Variants in PCLO observed in about 807,000 individuals in gnomAD.
The protein encoded by PCLO is protein piccolo.
In PCLO, 82 loss-of-function variants were observed where a neutral mutation model predicts 427.5. The observed-to-expected ratio is 0.19, with a 90% CI of 0.16 to 0.23. The LOEUF is 0.23. Ranked by LOEUF, PCLO falls within the 10% of genes least tolerant of loss-of-function variation. The pLI, the probability that PCLO is intolerant of heterozygous loss-of-function variation, is 1.00. For synonymous variants in PCLO, 2,357 were observed against 2,155.4 expected (o/e 1.09, Z -2.59); for missense variants, 6,239 against 6,115.9 (o/e 1.02, Z -0.67).
rs1792480331 is a variant in PCLO at position 83,162,718 on chromosome 7, A to C, written c.-126T>G. On this transcript the variant is annotated 5_prime_UTR_variant, in exon 1 of 25. Transcript: ENST00000333891. ...GGCGTGCAGGCAGCCGAGTCCCTGG[A>C]CTCTGGACCAGGCACTGCCGCCCGG... 1 of 1,266,992 alleles carries C rather than the reference A, an allele frequency of 7.9e-7. No homozygotes were observed. 78.5% of individuals were successfully genotyped at this position (1,266,992 alleles called of 1,614,324 possible).
Position 82,780,571 on chromosome 7 carries a change from G to C in PCLO, c.15008-19078C>G, listed in dbSNP as rs1052832559. On this transcript the variant is annotated intron_variant, in intron 22 of 24. Coordinates refer to ENST00000333891, the MANE Select transcript of PCLO (RefSeq NM_033026.6). The stretch of plus-strand genomic sequence containing the variant: ...TTTGTTTGTTTGTTTTGTTTTGAAA[G>C]GAGTCTCGCTCTGTCGCCCAGGCTG... Among the ~76,000 whole-genome samples the C allele has an allele frequency of 2.0e-5, 3 of 152,266 alleles. No homozygotes were observed. The South Asian group carries it at 6.2e-4, about 32-fold the overall frequency.
chr7:82,841,800 G>A (rs1031983678), intron 13 of PCLO, among the ~76,000 whole-genome samples: 9 of 151,986 alleles, frequency 5.9e-5, no homozygotes, highest in African/African-American at 1.9e-4. Flanking sequence ...TAGGTTTAAA[G>A]CACTTAATTA....
chr7:82,812,822 T>G (rs950566707), intron 20 of PCLO, among the ~76,000 whole-genome samples: 2 of 151,716 alleles, frequency 1.3e-5, no homozygotes, highest in Admixed American at 1.3e-4. Context: ...TTTTATTCTC[T>G]TTTGAAGCAG....
chr7:82,852,063 A>G (rs936058568), intron 10 of PCLO, among the ~76,000 whole-genome samples: 1 of 152,104 alleles, frequency 6.6e-6, no homozygotes, highest in African/African-American at 2.4e-5. Context: ...GAAAGGAAGG[A>G]GTAAAAAGAA....
chr7:82,999,058 T>G, intron 3 of PCLO, among the ~76,000 whole-genome samples: 1 of 150,098 alleles, frequency 6.7e-6, no homozygotes, highest in Non-Finnish European at 1.5e-5. Flanking sequence ...TTTGATAGGC[T>G]TATTAGTATA....
chr7:82,866,780 G>T, intron 10 of PCLO, among the ~76,000 whole-genome samples: 1 of 151,772 alleles, frequency 6.6e-6, no homozygotes, highest in East Asian at 1.9e-4. Context: ...ACTTATCATT[G>T]TATCTGGAAT....
chr7:82,970,388 A>G (rs1488690190), intron 3 of PCLO, among the ~76,000 whole-genome samples: 1 of 151,998 alleles, frequency 6.6e-6, no homozygotes, highest in East Asian at 1.9e-4. Flanking sequence ...TTACCTACCT[A>G]TGTTGGTAAA....
chr7:82,976,021 A>T (rs1796009169), intron 3 of PCLO, among the ~76,000 whole-genome samples: 1 of 152,200 alleles, frequency 6.6e-6, no homozygotes, highest in Non-Finnish European at 1.5e-5. Flanking sequence ...TAGCAGTGTG[A>T]AACTGTCTAA....
Position 82,824,154 on chromosome 7 carries a change from A to G in PCLO, c.14596+82T>C, listed in dbSNP as rs1464740547. On this transcript the variant is annotated intron_variant, in intron 19 of 24. Transcript: ENST00000333891. ...GTGTCTAATCTATTAATATAGGTTAAATGTACAAACATTCACACTAAGAAG... is the reference window on the plus strand; with the variant it reads ...GTGTCTAATCTATTAATATAGGTTAGATGTACAAACATTCACACTAAGAAG... 7.7e-6 allele frequency: 7 copies of G among 907,580 alleles called. No individual in the cohort carries two copies. In the Admixed American group the frequency reaches 8.1e-5, roughly 11 times the overall value. The allele number at this position is 907,580 out of a possible 1,614,324, so 56.2% of individuals were successfully genotyped here.
chr7:83,076,426 C>A (rs926384316), intron 3 of PCLO, among the ~76,000 whole-genome samples: 1 of 151,870 alleles, frequency 6.6e-6, no homozygotes, highest in Non-Finnish European at 1.5e-5. Flanking sequence ...CCACACCCAG[C>A]TAATTTTTGT....
intron 22 of PCLO, among the ~76,000 whole-genome samples, chr7:82,799,370 G>T (rs1374348467): frequency 6.6e-6 from 1 of 152,170 alleles, no homozygotes; most frequent in Non-Finnish European, 1.5e-5. Flanking sequence ...CAGCCTTATG[G>T]AGGAGACAAA....
chr7:83,064,776 T>A (rs1472599355), intron 3 of PCLO, among the ~76,000 whole-genome samples: 1 of 151,990 alleles, frequency 6.6e-6, no homozygotes, highest in Non-Finnish European at 1.5e-5. Context: ...CATGAGTTCA[T>A]CTGTCTTTCT....
At chr7:83,038,541 T>C (rs1788890169) in intron 3 of PCLO, among the ~76,000 whole-genome samples, 1 of 151,968 alleles carries the variant, frequency 6.6e-6, no homozygotes, top group African/African-American at 2.4e-5. Flanking sequence ...GATTCACCTA[T>C]GCTTTTGCTT....
rs1789168744 is a variant in PCLO, at chr7:83,048,970, C to A, written c.3301-82483G>T. On this transcript the variant is annotated intron_variant, in intron 3 of 24. Transcript: ENST00000333891. The stretch of plus-strand genomic sequence containing the variant: ...ACAATTGGGAAAGTTAAGTAACCTA[C>A]ACATAGAAGTTATTAGAACAGATTG... Among the ~76,000 whole-genome samples the A allele has an allele frequency of 2.0e-5, 3 of 152,132 alleles. No individual in the cohort carries two copies. The South Asian group carries it at 6.2e-4, about 31-fold the overall frequency.
rs1244481260 is a variant in PCLO, at chr7:83,155,599, T to C, written c.1042A>G (p.Thr348Ala). 6.2e-7 allele frequency: 1 copy of C among 1,611,778 alleles called. No individual in the cohort carries two copies. The change falls in exon 2 of 25, where the codon ACA becomes GCA. Residue 348 changes from threonine (T) to alanine (A), a missense_variant. Coordinates refer to ENST00000333891, the MANE Select transcript of PCLO (RefSeq NM_033026.6). ...LTKPLAQQPG[T>A]VKPPVQPPGT... ...GGTGGCTGGACTGGGGGTTTCACTG[T>C]CCCTGGTTGTTGAGCCAATGGCTTT...
At chr7:82,976,770 AGATGACTGGTATGTTAATTAGCCT>A (rs1182744287) in intron 3 of PCLO, among the ~76,000 whole-genome samples, 2 of 152,244 alleles carry the variant, frequency 1.3e-5, no homozygotes, top group African/African-American at 4.8e-5. Context: ...GTGACATGTC[AGATGACTGGTATGTTAATTAGCCT>A]GATTTGATCA....
intron 3 of PCLO, among the ~76,000 whole-genome samples, chr7:83,093,923 C>G (rs1331512249): frequency 6.7e-6 from 1 of 149,408 alleles, no homozygotes; most frequent in Non-Finnish European, 1.5e-5. Flanking sequence ...TCCCATGTAT[C>G]TCTTACCCAT....
At chr7:82,790,500 A>G (rs925193871) in intron 22 of PCLO, among the ~76,000 whole-genome samples, 5 of 152,300 alleles carry the variant, frequency 3.3e-5, no homozygotes, top group Non-Finnish European at 4.4e-5. Context: ...CTATGAATAC[A>G]TATTACTTTT....
Position 82,950,119 on chromosome 7 carries a change from C to T in PCLO, c.10469G>A (p.Arg3490Lys), listed in dbSNP as rs1795300628. 1 of 1,610,272 alleles carries T rather than the reference C, an allele frequency of 6.2e-7. No homozygotes were observed. The highest frequency in any genetic ancestry group is 1.4e-5 in the African/African-American group (1 of 73,498). The change falls in exon 6 of 25, where the codon AGG (arginine) becomes AAG (lysine). Residue 3490 changes from arginine (R) to lysine (K), a missense_variant. Around this residue, in one of 5 missense-constraint regions of PCLO, gnomAD observed 4,677 missense variants for 4,468.4 expected, o/e 1.05. Transcript: ENST00000333891. ...DEWDMPTRSR[R>K]KARVGKYGDS... ...ACCATATTTCCCTACACGAGCTTTCCTCCTTGATCTAGTAGGCATATCCCA... is the reference window on the plus strand; with the variant it reads ...ACCATATTTCCCTACACGAGCTTTCTTCCTTGATCTAGTAGGCATATCCCA...
Sources: allele counts gnomAD v4.1 joint callset (sites outside exome capture counted in the v4.1 genomes callset), GRCh38; gene constraint gnomAD v4.1.1; regional missense constraint gnomAD v4.1.1; transcripts MANE v1.5; gene names NCBI Gene and HGNC (gene_info 2026-07-23, HGNC 2026-07-21).